Variants in THSD7A observed in about 807,000 individuals in gnomAD.
THSD7A encodes the protein thrombospondin type 1 domain containing 7A, also known as thrombospondin type-1 domain-containing protein 7A.
A neutral mutation model predicts 231.3 loss-of-function variants in THSD7A; 96 were observed. That is an observed-to-expected ratio of 0.41 (90% CI 0.35 to 0.49). THSD7A has a LOEUF of 0.49. THSD7A is among the 20% of genes least tolerant of loss of function. The pLI, the probability that THSD7A is intolerant of heterozygous loss-of-function variation, is 0.05. For missense variants in THSD7A, 2,290 were observed against 2,070.2 expected, an observed-to-expected ratio of 1.11 and a Z score of -2.06; for synonymous variants, 940 against 743.3, an observed-to-expected ratio of 1.26 and a Z score of -4.30.
In THSD7A at chr7:11,656,247, T is replaced by C. The variant is rs550574926; in HGVS notation, c.191-19286A>G. On this transcript the variant is annotated intron_variant, in intron 1 of 27. Coordinates refer to ENST00000423059, the MANE Select transcript of THSD7A (RefSeq NM_015204.3). ...GAATGCATGACAAATGCTTTACATATTGATCTGCATCATTCAGCACTCTCT... is the reference window on the plus strand; with the variant it reads ...GAATGCATGACAAATGCTTTACATACTGATCTGCATCATTCAGCACTCTCT... Among the ~76,000 whole-genome samples, 6 of 152,062 alleles carry C rather than the reference T, an allele frequency of 3.9e-5. No homozygotes were observed. In the South Asian group the frequency reaches 8.3e-4, roughly 21 times the overall value.
At chr7:11,461,960 G>A (rs1785520542) in intron 10 of THSD7A, 51 bp downstream of exon 10, 1 of 1,590,270 alleles carries the variant, frequency 6.3e-7, no homozygotes, top group Admixed American at 1.7e-5. Context: ...AGGATGTGGA[G>A]TTGACGTATT....
chr7:11,673,743 A>T (rs187789385), intron 1 of THSD7A, among the ~76,000 whole-genome samples: 22 of 152,204 alleles, frequency 1.4e-4, no homozygotes, highest in Non-Finnish European at 2.6e-4. Flanking sequence ...CTTGATAGTC[A>T]AGGCTTCTCC....
At chr7:11,528,371 G>C (rs1788564746) in intron 6 of THSD7A, among the ~76,000 whole-genome samples, 1 of 152,126 alleles carries the variant, frequency 6.6e-6, no homozygotes, top group South Asian at 2.1e-4. Context: ...CTTGTACTGG[G>C]TCACATGTTC....
At chr7:11,729,138 C>T (rs1340518715) in intron 1 of THSD7A, among the ~76,000 whole-genome samples, 1 of 151,616 alleles carries the variant, frequency 6.6e-6, no homozygotes, top group African/African-American at 2.4e-5. Flanking sequence ...ACACAGACAA[C>T]GTTGCTGAAG....
At chr7:11,733,038 A>G (rs1038469993) in intron 1 of THSD7A, among the ~76,000 whole-genome samples, 2 of 151,836 alleles carry the variant, frequency 1.3e-5, no homozygotes, top group African/African-American at 4.8e-5. Context: ...TACTAGTATG[A>G]GAATATATTG....
rs1322812312 is a variant in THSD7A at position 11,590,637 on chromosome 7, C to A, written c.1276G>T (p.Gly426Cys). 6.2e-7 allele frequency: 1 copy of A among 1,602,654 alleles called. No individual in the cohort carries two copies. Among genetic ancestry groups the A allele is most frequent in the Non-Finnish European group, 8.5e-7 (1 of 1,175,052 alleles). The change falls in exon 4 of 28, where the codon GGC (glycine) becomes TGC (cysteine). Residue 426 changes from glycine to cysteine, a missense_variant. By Grantham distance (159) the Gly-to-Cys change is radical. Coordinates refer to ENST00000423059, the MANE Select transcript of THSD7A (RefSeq NM_015204.3). The surrounding 1 kb of genome is among the most constrained non-coding windows in gnomAD (Gnocchi z 4.4). ...TCAGTCCACTCTGTAGTTCTCCAGC[C>A]ATACCTAAATAAAGACAACACCACC... ...GDGVVPCATYGWRTTEWTECR... is the reference protein window; with the variant it reads ...GDGVVPCATYCWRTTEWTECR...
chr7:11,731,628 G>T (rs1453827320), intron 1 of THSD7A, among the ~76,000 whole-genome samples: 1 of 151,468 alleles, frequency 6.6e-6, no homozygotes, highest in Non-Finnish European at 1.5e-5. Context: ...GTTTGAATAG[G>T]TTCTAATTGC....
At chr7:11,734,490 C>T (rs996233451) in intron 1 of THSD7A, among the ~76,000 whole-genome samples, 2 of 151,954 alleles carry the variant, frequency 1.3e-5, no homozygotes, top group Non-Finnish European at 2.9e-5. Context: ...CATATCACTC[C>T]TCCAAAATAT....
chr7:11,511,724 T>C (rs1468351282), intron 6 of THSD7A, among the ~76,000 whole-genome samples: 3 of 152,220 alleles, frequency 2.0e-5, no homozygotes, highest in African/African-American at 7.2e-5. Flanking sequence ...GAAAACTGGC[T>C]AGCCATATGT....
chr7:11,812,858 A>G (rs1583311327), intron 1 of THSD7A, among the ~76,000 whole-genome samples: 1 of 152,278 alleles, frequency 6.6e-6, no homozygotes, highest in African/African-American at 2.4e-5. Context: ...TTAAACTAAG[A>G]GTGTGGTTTG....
intron 13 of THSD7A, among the ~76,000 whole-genome samples, chr7:11,438,605 GATATT>G (rs1485637842): frequency 6.6e-6 from 1 of 151,986 alleles, no homozygotes; most frequent in African/African-American, 2.4e-5. Context: ...ATGTTAAAGA[GATATT>G]ATATTAATAA....
At chr7:11,763,116 C>T (rs1489317147) in intron 1 of THSD7A, among the ~76,000 whole-genome samples, 1 of 152,196 alleles carries the variant, frequency 6.6e-6, no homozygotes, top group Non-Finnish European at 1.5e-5. Flanking sequence ...CAACCCCCCA[C>T]ACTTTGCCAT....
intron 1 of THSD7A, among the ~76,000 whole-genome samples, chr7:11,701,799 C>A (rs1162302000): frequency 6.6e-6 from 1 of 151,262 alleles, no homozygotes; most frequent in African/African-American, 2.4e-5. Context: ...TCTCAAATGA[C>A]TGTAAACCTT....
At chr7:11,560,970 C>T (rs1034741) in intron 4 of THSD7A, among the ~76,000 whole-genome samples, 33,779 of 152,114 alleles carry the variant, frequency 0.22, 4,253 homozygotes, top group Admixed American at 0.4. Context: ...AAGTACTTAA[C>T]AGATACTAAG....
intron 1 of THSD7A, among the ~76,000 whole-genome samples, chr7:11,719,235 C>G (rs1174938149): frequency 6.6e-6 from 1 of 151,490 alleles, no homozygotes; most frequent in Non-Finnish European, 1.5e-5. Flanking sequence ...TTAACTAAAA[C>G]TAGACTGTCT....
chr7:11,626,467 A>G lies in THSD7A; in HGVS notation c.1022+9663T>C, dbSNP rs555524594. On this transcript the variant is annotated intron_variant, in intron 2 of 27. Coordinates refer to ENST00000423059, the MANE Select transcript of THSD7A (RefSeq NM_015204.3). The stretch of plus-strand genomic sequence containing the variant: ...GATTTTAAAAATACTCCTGAAAAGT[A>G]AAAGGAGAGGTGAAGACATCCTGTC... Among the ~76,000 whole-genome samples, 30 of 152,262 alleles carry G rather than the reference A, an allele frequency of 2.0e-4. 1 individual carries two copies. The South Asian group carries it at 5.6e-3, about 28-fold the overall frequency.
chr7:11,376,341 T>C (rs1265204665), intron 27 of THSD7A, among the ~76,000 whole-genome samples: 1 of 152,138 alleles, frequency 6.6e-6, no homozygotes, highest in African/African-American at 2.4e-5. Flanking sequence ...CTTGAAAGTA[T>C]GCAAGAGAAC....
intron 6 of THSD7A, among the ~76,000 whole-genome samples, chr7:11,491,336 T>C (rs1028957129): frequency 6.6e-6 from 1 of 152,092 alleles, no homozygotes; most frequent in African/African-American, 2.4e-5. Flanking sequence ...GGACTGAAAG[T>C]TGTACTACAC....
At chr7:11,779,030 C>G (rs1156917938) in intron 1 of THSD7A, among the ~76,000 whole-genome samples, 1 of 152,032 alleles carries the variant, frequency 6.6e-6, no homozygotes, top group African/African-American at 2.4e-5. Context: ...CCTAGAAGTT[C>G]TGTGGTGATT....
Sources: allele counts gnomAD v4.1 joint callset (sites outside exome capture counted in the v4.1 genomes callset), GRCh38; gene constraint gnomAD v4.1.1; non-coding constraint Gnocchi (gnomAD v3.1); transcripts MANE v1.5; gene names NCBI Gene and HGNC (gene_info 2026-07-23, HGNC 2026-07-21).